The following TNR variants were observed in gnomAD, a reference collection of about 807,000 sequenced individuals.
TNR encodes tenascin R.
A neutral mutation model predicts 150.4 loss-of-function variants in TNR; 45 were observed. The observed-to-expected ratio is 0.30, with a 90% confidence interval of 0.24 to 0.38. The LOEUF (loss-of-function observed/expected upper bound fraction) is 0.38, where lower values mean the gene tolerates loss of function less well. Ranked by LOEUF, TNR falls within the 10% of genes least tolerant of loss-of-function variation. The pLI, the probability that TNR is intolerant of heterozygous loss-of-function variation, is 1.00. For synonymous variants in TNR, 687 were observed against 678.4 expected (o/e 1.01, Z -0.20); for missense variants, 1,544 against 1,759.1 (o/e 0.88, Z 2.19).
intron 2 of TNR, among the ~76,000 whole-genome samples, chr1:175,517,898 C>A (rs1659479889): frequency 6.6e-6 from 1 of 152,168 alleles, no homozygotes; most frequent in Admixed American, 6.5e-5. Context: ...AGCACGGAAA[C>A]ACCAGCAGCA....
At chr1:175,401,176 T>C (rs1004599056) in intron 4 of TNR, among the ~76,000 whole-genome samples, 1 of 152,164 alleles carries the variant, frequency 6.6e-6, no homozygotes, top group African/African-American at 2.4e-5. Context: ...GAGGGTTCAG[T>C]GTAAGTCCTG....
At chr1:175,488,613 T>A (rs1658112416) in intron 2 of TNR, among the ~76,000 whole-genome samples, 1 of 152,226 alleles carries the variant, frequency 6.6e-6, no homozygotes, top group African/African-American at 2.4e-5. Context: ...CTTTAAATGC[T>A]TCCAGGCACT....
At chr1:175,366,186 G>A (rs1371338413) in intron 10 of TNR, 48 bp from the exon 11 acceptor site, 2 of 1,532,912 alleles carry the variant, frequency 1.3e-6, no homozygotes, top group East Asian at 2.3e-5. Context: ...CCCCTGGAGG[G>A]CAGTATTTAT....
At chr1:175,641,076 A>C (rs1664643260) in intron 1 of TNR, among the ~76,000 whole-genome samples, 1 of 152,224 alleles carries the variant, frequency 6.6e-6, no homozygotes, top group Non-Finnish European at 1.5e-5. Flanking sequence ...TAATAAAAGA[A>C]CTCAAAGTGC....
chr1:175,468,746 C>T (rs1013841788), intron 2 of TNR, among the ~76,000 whole-genome samples: 6 of 152,156 alleles, frequency 3.9e-5, no homozygotes, highest in African/African-American at 7.2e-5. Flanking sequence ...TAAAGACCCG[C>T]AGGTGCTTCA....
chr1:175,610,941 T>C (rs1053559473), intron 1 of TNR, among the ~76,000 whole-genome samples: 4 of 152,350 alleles, frequency 2.6e-5, no homozygotes, highest in Non-Finnish European at 4.4e-5. Flanking sequence ...TTTACTAACG[T>C]AAATAATATT....
intron 2 of TNR, among the ~76,000 whole-genome samples, chr1:175,454,732 A>G (rs943027555): frequency 1.3e-5 from 2 of 152,158 alleles, no homozygotes; most frequent in African/African-American, 4.8e-5. Flanking sequence ...TCGGCCTCCC[A>G]GAGTGCTGGG....
chr1:175,629,742 G>T (rs911912449), intron 1 of TNR, among the ~76,000 whole-genome samples: 2 of 152,168 alleles, frequency 1.3e-5, no homozygotes, highest in Non-Finnish European at 2.9e-5. Flanking sequence ...GTGGAAATAG[G>T]GTTAGAGGCA....
intron 18 of TNR, among the ~76,000 whole-genome samples, chr1:175,348,108 G>A (rs1308969095): frequency 6.6e-6 from 1 of 151,962 alleles, no homozygotes; most frequent in Non-Finnish European, 1.5e-5. Flanking sequence ...TTCTACATTG[G>A]TAATAACCAA....
intron 1 of TNR, among the ~76,000 whole-genome samples, chr1:175,740,256 C>T (rs1275303284): frequency 1.3e-5 from 2 of 152,160 alleles, no homozygotes; most frequent in African/African-American, 4.8e-5. Context: ...GGTGATACCA[C>T]ATATGCACAA....
In TNR at chr1:175,318,615, T is replaced by C. The variant is rs1166167485; in HGVS notation, c.*4742A>G. The C allele has an allele frequency of 2.6e-5, 4 of 152,288 alleles. No homozygotes were observed. Among genetic ancestry groups the C allele is most frequent in the South Asian group, 2.1e-4 (1 of 4,838 alleles). 9.4% of individuals were successfully genotyped at this position (152,288 alleles called of 1,614,324 possible). A position where few individuals can be genotyped will look rare whatever the true frequency, so the allele number is the denominator to read the frequency against. The stretch of plus-strand genomic sequence containing the variant: ...ATCACATATGTGTAGGATTGGGTTA[T>C]GGAAGAAGCAAAGGTTTGAGGAGGC... On this transcript the variant is annotated 3_prime_UTR_variant, in exon 23 of 23. Transcript: ENST00000367674.
At chr1:175,566,930 G>A (rs1411194908) in intron 1 of TNR, among the ~76,000 whole-genome samples, 1 of 152,192 alleles carries the variant, frequency 6.6e-6, no homozygotes, top group African/African-American at 2.4e-5. Flanking sequence ...CATGTCTGCA[G>A]CTACTGTCCC....
intron 2 of TNR, among the ~76,000 whole-genome samples, chr1:175,520,839 G>A (rs778199153): frequency 2.0e-5 from 3 of 151,734 alleles, no homozygotes; most frequent in East Asian, 1.9e-4. Context: ...TTTCCCTCTC[G>A]TTTCATCCTT....
chr1:175,327,075 CTA>C (rs1649440926), intron 21 of TNR, among the ~76,000 whole-genome samples: 1 of 152,078 alleles, frequency 6.6e-6, no homozygotes, highest in East Asian at 1.9e-4. Context: ...ATTTCTTTCA[CTA>C]TCAGTTCCTT....
rs116864673 is a variant in TNR, at chr1:175,577,818, T to C, written c.-164-49449A>G. On this transcript the variant is annotated intron_variant, in intron 1 of 22. Coordinates refer to ENST00000367674, the MANE Select transcript of TNR (RefSeq NM_003285.3). Reference sequence around the variant, plus strand: ...GAAATCTACTGCCCCAAATGCTATATTCCCGAGCCTATTAGAAATGAGTTT... The same window carrying C: ...GAAATCTACTGCCCCAAATGCTATACTCCCGAGCCTATTAGAAATGAGTTT... Among the ~76,000 whole-genome samples the C allele has an allele frequency of 1.4e-4, 21 of 152,298 alleles. No individual in the cohort carries two copies. The East Asian group carries it at 2.3e-3, about 17-fold the overall frequency.
chr1:175,359,849 G>A, intron 14 of TNR, 118 bp from the exon 15 acceptor site: 1 of 1,276,522 alleles, frequency 7.8e-7, no homozygotes, highest in Non-Finnish European at 1.0e-6. Flanking sequence ...ACAAAACAAA[G>A]AAGTGAGCAG....
chr1:175,721,200 C>T (rs868151695), intron 1 of TNR, among the ~76,000 whole-genome samples: 2 of 152,222 alleles, frequency 1.3e-5, no homozygotes, highest in African/African-American at 2.4e-5. Context: ...CCCACCTCTA[C>T]TTCCCACATA....
intron 1 of TNR, among the ~76,000 whole-genome samples, chr1:175,652,149 A>G (rs1478055023): frequency 2.7e-5 from 4 of 147,350 alleles, no homozygotes; most frequent in Non-Finnish European, 6.0e-5. Flanking sequence ...TATACTTTAT[A>G]TAATATATTA....
At chr1:175,476,615 C>T (rs891826250) in intron 2 of TNR, among the ~76,000 whole-genome samples, 1 of 152,302 alleles carries the variant, frequency 6.6e-6, no homozygotes, top group East Asian at 1.9e-4. Flanking sequence ...CCTCCCCATC[C>T]TCCCAAAGCT....
Sources: gnomAD v4.1 joint callset for allele counts (sites outside exome capture counted in the v4.1 genomes callset) on GRCh38, gnomAD v4.1.1 for gene constraint, MANE v1.5 for transcripts, NCBI Gene and HGNC (gene_info 2026-07-23, HGNC 2026-07-21) for gene names.